The following TEX12 variants were observed in gnomAD, a reference collection of about 807,000 sequenced individuals.
TEX12 encodes the protein testis-expressed protein 12.
TEX12 carries 7 observed loss-of-function variants against 14.6 expected under a neutral mutation model. The observed-to-expected ratio is 0.48, with a 90% CI of 0.27 to 0.90. The LOEUF is 0.90. Among genes scored for constraint, TEX12 ranks in the 40% least tolerant of loss-of-function variants. TEX12 has a pLI of 0.12. For synonymous variants in TEX12, 57 were observed against 49.1 expected (o/e 1.16, Z -0.67); for missense variants, 121 against 135.7 (o/e 0.89, Z 0.54).
At chr11:112,171,738 A>G (rs181512634) in intron 4 of TEX12, 34 bp from the exon 5 acceptor site, 1,128 of 1,312,750 alleles carry the variant, frequency 8.6e-4, no homozygotes, top group African/African-American at 2.0e-3. Context: ...GTTTATATCT[A>G]CTTAGTTTAA....
At chr11:112,167,715 G>T (rs753235516) in intron 1 of TEX12, among the ~76,000 whole-genome samples, 1 of 152,172 alleles carries the variant, frequency 6.6e-6, no homozygotes, top group Admixed American at 6.6e-5. Context: ...CAGAGCCAGG[G>T]CAGTGGTCAG....
chr11:112,171,831 C>T lies in TEX12; in HGVS notation c.287C>T (p.Ala96Val). 1 of 1,597,140 alleles carries T rather than the reference C, an allele frequency of 6.3e-7. No homozygotes were observed. The highest frequency in any genetic ancestry group is 8.5e-7 in the Non-Finnish European group (1 of 1,172,828). Residue 96 changes from alanine (A) to valine (V), a missense_variant, in exon 5 of 5, where the codon GCC becomes GTC. By Grantham distance (64) the Ala-to-Val change is moderately conservative. Coordinates refer to ENST00000280358, the MANE Select transcript of TEX12 (RefSeq NM_031275.4). ...IDEIDELFKE[A>V]NAIENFLIQK... ...GAGATAGATGAACTCTTCAAAGAAG[C>T]CAATGCTATTGAAAACTTTCTAATA...
At chr11:112,170,567 C>T (rs1323323627) in intron 3 of TEX12, 37 bp downstream of exon 3, 1 of 1,585,170 alleles carries the variant, frequency 6.3e-7, no homozygotes, top group Non-Finnish European at 8.7e-7. Flanking sequence ...AAACATCAGT[C>T]TTATAATGCA....
intron 4 of TEX12, among the ~76,000 whole-genome samples, chr11:112,171,135 T>G (rs1405978527): frequency 1.3e-5 from 2 of 152,210 alleles, no homozygotes; most frequent in Non-Finnish European, 2.9e-5. Flanking sequence ...GTACTGAACA[T>G]GTACAGACAT....
chr11:112,169,297 A>C lies in TEX12; in HGVS notation c.29A>C (p.Asp10Ala). 2 of 1,614,026 alleles carry C rather than the reference A, an allele frequency of 1.2e-6. No individual in the cohort carries two copies. Among genetic ancestry groups the C allele is most frequent in the Non-Finnish European group, 1.7e-6 (2 of 1,179,870 alleles). Reference sequence around the variant, plus strand: ...ATGGCAAATCACCTTGTAAAGCCTGATAATAGAAATTGCAAGAGGCCAAGA... The same window carrying C: ...ATGGCAAATCACCTTGTAAAGCCTGCTAATAGAAATTGCAAGAGGCCAAGA... MMANHLVKPDNRNCKRPREL... is the reference protein window; with the variant it reads MMANHLVKPANRNCKRPREL... The change falls in exon 2 of 5, where the codon GAT becomes GCT. Residue 10 changes from aspartate (D) to alanine (A), a missense_variant. Asp to Ala is a moderately radical substitution (Grantham distance 126, BLOSUM62 -2). Coordinates refer to ENST00000280358, the MANE Select transcript of TEX12 (RefSeq NM_031275.4).
intron 2 of TEX12, 169 bp from the exon 3 acceptor site, chr11:112,170,250 G>A: frequency 2.0e-6 from 1 of 500,458 alleles, no homozygotes; most frequent in Non-Finnish European, 3.5e-6. Flanking sequence ...GTGTTTCTTG[G>A]GCCTGTAAAT....
rs113768199 is a variant in TEX12, at chr11:112,168,556, C to CT, written c.-16-684dup. On this transcript the variant is annotated intron_variant, in intron 1 of 4. Transcript: ENST00000280358. ...AAGATTTTGTGAAGATAGAAGAATC[C>CT]TTTTTTTTTTTTTGAGGTGGAGTCT... Among the ~76,000 whole-genome samples the CT allele has an allele frequency of 3.7e-3, 539 of 144,636 alleles. 1 individual carries two copies. The highest frequency in any genetic ancestry group is 6.1e-3 in the African/African-American group (240 of 39,612). 94.9% of individuals were successfully genotyped at this position (144,636 alleles called of 152,430 possible).
intron 4 of TEX12, 139 bp from the exon 5 acceptor site, chr11:112,171,633 A>C: frequency 2.0e-6 from 1 of 512,396 alleles, no homozygotes; most frequent in South Asian, 6.6e-5. Context: ...TTTTCTGAAG[A>C]GTATTAGTAA....
chr11:112,172,441 A>AT lies in TEX12; in HGVS notation c.*528dup, dbSNP rs1255879808. ...GAATATAATGACATAACTGTGTGCTATTTCCATTTGATTATTTTCACTATT... is the reference window on the plus strand; with the variant it reads ...GAATATAATGACATAACTGTGTGCTATTTTCCATTTGATTATTTTCACTATT... On this transcript the variant is annotated 3_prime_UTR_variant, in exon 5 of 5. Coordinates refer to ENST00000280358, the MANE Select transcript of TEX12 (RefSeq NM_031275.4). 2 of 152,060 alleles carry AT rather than the reference A, an allele frequency of 1.3e-5. No homozygotes were observed. The highest frequency in any genetic ancestry group is 2.9e-5 in the Non-Finnish European group (2 of 67,938). 9.4% of individuals were successfully genotyped at this position (152,060 alleles called of 1,614,324 possible).
At position 112,170,432 on chromosome 11, in the gene TEX12, A is replaced by G. The variant is rs1866776331; in HGVS notation, c.77A>G (p.Asp26Gly). 1.9e-6 allele frequency: 3 copies of G among 1,610,896 alleles called. No individual in the cohort carries two copies. The highest frequency in any genetic ancestry group is 2.7e-5 in the African/African-American group (2 of 74,896). The change falls in exon 3 of 5, where the codon GAT becomes GGT. Residue 26 changes from aspartate (D) to glycine (G), a missense_variant. Physicochemically the swap from Asp to Gly is moderately conservative, Grantham distance 94 (BLOSUM62 -1). Coordinates refer to ENST00000280358, the MANE Select transcript of TEX12 (RefSeq NM_031275.4). ...TTGTCCTGTTAGTCTCCAGTGCCAG[A>G]TAGTCCACAGCTGTCCTCTCTTGGA... The part of the protein sequence containing the change: ...RPRELESPVP[D>G]SPQLSSLGKS...
At chr11:112,170,275 A>T (rs1276713142) in intron 2 of TEX12, 144 bp from the exon 3 acceptor site, 4 of 517,778 alleles carry the variant, frequency 7.7e-6, no homozygotes, top group East Asian at 3.1e-5. Flanking sequence ...TTAATAATAA[A>T]AACTCAAATG....
At chr11:112,170,251 G>A (rs1459606247) in intron 2 of TEX12, 168 bp from the exon 3 acceptor site, 7 of 501,536 alleles carry the variant, frequency 1.4e-5, no homozygotes, top group Non-Finnish European at 2.1e-5. Context: ...TGTTTCTTGG[G>A]CCTGTAAATT....
rs184010954 is a variant in TEX12 at position 112,168,140 on chromosome 11, C to A, written c.-17+653C>A. 6.6e-4 allele frequency among the ~76,000 whole-genome samples: 100 copies of A among 152,342 alleles called. 1 individual carries two copies. The highest frequency in any genetic ancestry group is 2.2e-3 in the African/African-American group (90 of 41,586). On this transcript the variant is annotated intron_variant, in intron 1 of 4. Transcript: ENST00000280358. ...AATTTGTTGTTGCTCTTTCTGTCTTCTATATATGCATATTTTATAGGACTA... is the reference window on the plus strand; with the variant it reads ...AATTTGTTGTTGCTCTTTCTGTCTTATATATATGCATATTTTATAGGACTA...
chr11:112,168,461 ACTGTCCC>A (rs1866751919), intron 1 of TEX12, among the ~76,000 whole-genome samples: 1 of 152,144 alleles, frequency 6.6e-6, no homozygotes, highest in African/African-American at 2.4e-5. Context: ...ATCCACCGTC[ACTGTCCC>A]TGTTTTCTCA....
chr11:112,170,509 G>T lies in TEX12; in HGVS notation c.154G>T (p.Ala52Ser), dbSNP rs1468140101. 3 of 1,611,952 alleles carry T rather than the reference G, an allele frequency of 1.9e-6. No homozygotes were observed. The highest frequency in any genetic ancestry group is 4.5e-5 in the East Asian group (2 of 44,800). The change falls in exon 3 of 5, where the codon GCC becomes TCC. Residue 52 changes from alanine to serine, a missense_variant. Transcript: ENST00000280358. Reference sequence around the variant, plus strand: ...TTCCGGACTATTTTATAAAGATGAAGCCTTGGAGAAAGATTTAAATGGTGA... The same window carrying T: ...TTCCGGACTATTTTATAAAGATGAATCCTTGGAGAAAGATTTAAATGGTGA... ...EISGLFYKDEALEKDLNDVSK... is the reference protein window; with the variant it reads ...EISGLFYKDESLEKDLNDVSK...
At chr11:112,168,384 T>G (rs1459626777) in intron 1 of TEX12, among the ~76,000 whole-genome samples, 1 of 152,132 alleles carries the variant, frequency 6.6e-6, no homozygotes, top group Non-Finnish European at 1.5e-5. Flanking sequence ...GGTTGGACAG[T>G]GGGAATAACC....
At position 112,171,846 on chromosome 11, in the gene TEX12, A is replaced by G. The variant is rs752992919; in HGVS notation, c.302A>G (p.Asn101Ser). Reference protein sequence around the residue: ...ELFKEANAIENFLIQKREFLR... With the variant: ...ELFKEANAIESFLIQKREFLR... ...TTCAAAGAAGCCAATGCTATTGAAAACTTTCTAATACAAAAAAGAGAGTTC... is the reference window on the plus strand; with the variant it reads ...TTCAAAGAAGCCAATGCTATTGAAAGCTTTCTAATACAAAAAAGAGAGTTC... The change falls in exon 5 of 5, where the codon AAC becomes AGC. Residue 101 changes from asparagine (N) to serine (S), a missense_variant. Physicochemically the swap from Asn to Ser is conservative, Grantham distance 46 (BLOSUM62 1). Coordinates refer to ENST00000280358, the MANE Select transcript of TEX12 (RefSeq NM_031275.4). The G allele has an allele frequency of 6.3e-7, 1 of 1,599,534 alleles. No individual in the cohort carries two copies. The highest frequency in any genetic ancestry group is 1.1e-5 in the South Asian group (1 of 88,262).
At chr11:112,170,994 G>C (rs1866783795) in intron 4 of TEX12, among the ~76,000 whole-genome samples, 1 of 151,936 alleles carries the variant, frequency 6.6e-6, no homozygotes, top group African/African-American at 2.4e-5. Context: ...TGAAATTAAT[G>C]ATAACAGACT....
At chr11:112,170,393 C>A in intron 2 of TEX12, 26 bp from the exon 3 acceptor site, 1 of 1,411,854 alleles carries the variant, frequency 7.1e-7, no homozygotes, top group South Asian at 1.2e-5. Context: ...TTGACTGTAC[C>A]TGTTTTCTTT....
Sources: allele counts gnomAD v4.1 joint callset (sites outside exome capture counted in the v4.1 genomes callset), GRCh38; gene constraint gnomAD v4.1.1; transcripts MANE v1.5; gene names NCBI Gene and HGNC (gene_info 2026-07-23, HGNC 2026-07-21).